WLS: variants seen among roughly 807,000 people sequenced by gnomAD.
WLS encodes Wnt ligand secretion mediator, also known as protein wntless homolog.
WLS carries 23 observed loss-of-function variants against 62.8 expected under a neutral mutation model. The ratio of observed to expected loss-of-function variants is 0.37; its 90% CI spans 0.26 to 0.52. WLS has a LOEUF of 0.52. Ranked by LOEUF, WLS falls within the 20% of genes least tolerant of loss-of-function variation. WLS has a pLI of 0.92. For missense variants in WLS, 615 were observed against 697.3 expected (o/e 0.88, Z 1.33); for synonymous variants, 246 against 244.1 (o/e 1.01, Z -0.07).
chr1:68,182,780 A>G (rs1168229913), intron 2 of WLS, among the ~76,000 whole-genome samples: 4 of 152,242 alleles, frequency 2.6e-5, no homozygotes, highest in Non-Finnish European at 5.9e-5. Context: ...GAGGAGAACA[A>G]AGGGAGAATT....
At chr1:68,195,341 C>T (rs1202186524) in intron 1 of WLS, among the ~76,000 whole-genome samples, 3 of 152,160 alleles carry the variant, frequency 2.0e-5, no homozygotes, top group African/African-American at 7.2e-5. Context: ...ATCTCTGTAT[C>T]GGTTTTATCA....
chr1:68,192,076 T>C (rs1648343056), intron 2 of WLS, among the ~76,000 whole-genome samples: 1 of 152,168 alleles, frequency 6.6e-6, no homozygotes, highest in South Asian at 2.1e-4. Flanking sequence ...GTAAGTTCCT[T>C]AAAGGACAGC....
intron 8 of WLS, among the ~76,000 whole-genome samples, chr1:68,147,607 G>A (rs569597376): frequency 9.2e-5 from 14 of 152,310 alleles, no homozygotes; most frequent in African/African-American, 3.4e-4. Flanking sequence ...GCTTCATGAA[G>A]ATGACTTAGA....
intron 11 of WLS, among the ~76,000 whole-genome samples, chr1:68,129,658 C>T (rs911064713): frequency 5.3e-5 from 8 of 152,292 alleles, no homozygotes; most frequent in East Asian, 1.9e-4. Context: ...GGTGTGTGAA[C>T]GTGGCAGTAA....
intron 11 of WLS, among the ~76,000 whole-genome samples, chr1:68,116,805 CTT>C (rs1210152492): frequency 1.8e-4 from 28 of 152,146 alleles, no homozygotes; most frequent in Non-Finnish European, 3.2e-4. Flanking sequence ...GATAAAAACT[CTT>C]TTGCAATGCA....
intron 8 of WLS, among the ~76,000 whole-genome samples, chr1:68,147,399 T>C (rs764344429): frequency 3.3e-5 from 5 of 152,114 alleles, no homozygotes; most frequent in African/African-American, 4.8e-5. Context: ...GAGAAACCAA[T>C]ATAAACATCA....
intron 1 of WLS, among the ~76,000 whole-genome samples, chr1:68,219,676 G>T (rs1199075346): frequency 6.6e-6 from 1 of 152,068 alleles, no homozygotes; most frequent in East Asian, 1.9e-4. Context: ...CAGCCATAAA[G>T]GTGAGTATAT....
chr1:68,232,269 T>C lies in WLS; in HGVS notation c.31A>G (p.Thr11Ala). ...CCACCAACAATGCACAGCTTCTTGG[T>C]GCTCATGTTTTCTATAATTGCCCCA... MAGAIIENMS[T>A]KKLCIVGGIL... The change falls in exon 1 of 12, where the codon ACC (threonine) becomes GCC (alanine). Residue 11 changes from threonine to alanine, a missense_variant. Transcript: ENST00000262348. The C allele has an allele frequency of 6.2e-7, 1 of 1,613,918 alleles. No homozygotes were observed. Among genetic ancestry groups the C allele is most frequent in the South Asian group, 1.1e-5 (1 of 91,020 alleles).
chr1:68,126,456 C>A, intron 11 of WLS, 121 bp from the exon 12 acceptor site: 3 of 1,287,470 alleles, frequency 2.3e-6, no homozygotes, highest in Non-Finnish European at 3.2e-6. Context: ...CACAGAGACA[C>A]CTAGGGCACA....
chr1:68,143,039 G>C (rs1646706522), intron 10 of WLS, among the ~76,000 whole-genome samples: 1 of 152,004 alleles, frequency 6.6e-6, no homozygotes, highest in Non-Finnish European at 1.5e-5. Context: ...TATACCTGTA[G>C]CATCTGTTTC....
intron 11 of WLS, among the ~76,000 whole-genome samples, chr1:68,116,973 A>G (rs1478822906): frequency 6.6e-6 from 1 of 150,840 alleles, no homozygotes; most frequent in African/African-American, 2.4e-5. Context: ...ACTGGCCCCG[A>G]CCCCTCCCAC....
At chr1:68,154,550 A>C (rs542991313) in intron 4 of WLS, among the ~76,000 whole-genome samples, 1 of 152,344 alleles carries the variant, frequency 6.6e-6, no homozygotes, top group South Asian at 2.1e-4. Context: ...CGTATAAAAA[A>C]AAGCCTGGAA....
chr1:68,194,936 G>T (rs566526032), intron 1 of WLS, among the ~76,000 whole-genome samples: 1 of 152,090 alleles, frequency 6.6e-6, no homozygotes, highest in Non-Finnish European at 1.5e-5. Flanking sequence ...TTATATAATG[G>T]TTATATGATT....
Position 68,125,990 on chromosome 1 carries a change from T to C in WLS, c.*236A>G, listed in dbSNP as rs1441398231. 1 of 1,242,420 alleles carries C rather than the reference T, an allele frequency of 8.0e-7. No homozygotes were observed. The highest frequency in any genetic ancestry group is 3.5e-5 in the East Asian group (1 of 28,342). The allele number at this position is 1,242,420 out of a possible 1,614,324, so 77.0% of individuals were successfully genotyped here. A position where few individuals can be genotyped will look rare whatever the true frequency, so the allele number is the denominator to read the frequency against. On this transcript the variant is annotated 3_prime_UTR_variant, in exon 12 of 12. Transcript: ENST00000262348. ...ACTAATTAACAATGATCACAGAAAATGTGTCATACCAGAGTTTTTGTTATC... is the reference window on the plus strand; with the variant it reads ...ACTAATTAACAATGATCACAGAAAACGTGTCATACCAGAGTTTTTGTTATC...
chr1:68,170,191 G>T (rs1647129627), intron 2 of WLS, among the ~76,000 whole-genome samples: 1 of 71,334 alleles, frequency 1.4e-5, no homozygotes, highest in African/African-American at 4.8e-5. Flanking sequence ...TTGAGATGGA[G>T]TTTCGCTCTT....
At chr1:68,209,991 G>T (rs773860157) in intron 1 of WLS, among the ~76,000 whole-genome samples, 20 of 152,146 alleles carry the variant, frequency 1.3e-4, no homozygotes, top group Non-Finnish European at 2.9e-4. Flanking sequence ...GGATACACAA[G>T]AAATACATTT....
intron 1 of WLS, among the ~76,000 whole-genome samples, chr1:68,211,669 A>G (rs920024631): frequency 6.6e-6 from 1 of 152,176 alleles, no homozygotes; most frequent in African/African-American, 2.4e-5. Context: ...TGAATCCTCT[A>G]AACTCACCAA....
chr1:68,111,645 G>A (rs545820644), intron 11 of WLS, among the ~76,000 whole-genome samples: 3 of 152,238 alleles, frequency 2.0e-5, no homozygotes, highest in Admixed American at 6.5e-5. Context: ...TCCTTTGAAC[G>A]AGCCCTTTAC....
At chr1:68,134,552 G>C (rs1023927011) in intron 11 of WLS, among the ~76,000 whole-genome samples, 1 of 152,200 alleles carries the variant, frequency 6.6e-6, no homozygotes, top group Non-Finnish European at 1.5e-5. Context: ...CATTTCACAG[G>C]CAGGACATTT....
Sources: gnomAD v4.1 joint callset for allele counts (sites outside exome capture counted in the v4.1 genomes callset) on GRCh38, gnomAD v4.1.1 for gene constraint, MANE v1.5 for transcripts, NCBI Gene and HGNC (gene_info 2026-07-23, HGNC 2026-07-21) for gene names.